Variants in CD4 observed in about 807,000 individuals in gnomAD.
The protein encoded by CD4 is T-cell surface glycoprotein CD4.
A neutral mutation model predicts 50.5 loss-of-function variants in CD4; 25 were observed. The ratio of observed to expected loss-of-function variants is 0.49; its 90% CI spans 0.36 to 0.69. The LOEUF (loss-of-function observed/expected upper bound fraction) is 0.69, where lower values mean the gene tolerates loss of function less well. Ranked by LOEUF, CD4 falls within the 30% of genes least tolerant of loss-of-function variation. CD4 has a pLI of 0.00. For synonymous variants in CD4, 207 were observed against 221.9 expected, an observed-to-expected ratio of 0.93 and a Z score of 0.60; for missense variants, 456 against 548.5, an observed-to-expected ratio of 0.83 and a Z score of 1.68.
intron 3 of CD4, among the ~76,000 whole-genome samples, chr12:6,805,987 TG>T (rs1942742585): frequency 1.3e-5 from 2 of 151,734 alleles, no homozygotes; most frequent in Admixed American, 1.3e-4. Flanking sequence ...AATTTTGCTC[TG>T]CAAAATCCCT....
chr12:6,796,359 G>A (rs1292216625), intron 1 of CD4, among the ~76,000 whole-genome samples: 2 of 152,212 alleles, frequency 1.3e-5, no homozygotes, highest in Non-Finnish European at 2.9e-5. Context: ...TGCCACTGGG[G>A]GAAAGAAGGA....
Position 6,818,533 on chromosome 12 carries a change from G to C in CD4, c.1269G>C (p.Arg423=). Residue 423 remains arginine, a synonymous_variant, in exon 8 of 10, where the codon CGG becomes CGC. Coordinates refer to ENST00000011653, the MANE Select transcript of CD4 (RefSeq NM_000616.5). The surrounding 1 kb of genome is among the most constrained non-coding windows in gnomAD (Gnocchi z 5.0). ...GLGIFFCVRC[R]HRRRQAERMS... ...GCATCTTCTTCTGTGTCAGGTGCCGGCACCGAAGGGTGAGTAACCCCACAC... is the reference window on the plus strand; with the variant it reads ...GCATCTTCTTCTGTGTCAGGTGCCGCCACCGAAGGGTGAGTAACCCCACAC... The C allele has an allele frequency of 1.9e-6, 3 of 1,612,724 alleles. No homozygotes were observed. Among genetic ancestry groups the C allele is most frequent in the Non-Finnish European group, 1.7e-6 (2 of 1,180,010 alleles).
In CD4 at chr12:6,800,057, T is replaced by G. The variant is rs1040235069; in HGVS notation, c.-67-15T>G. On this transcript the variant is annotated splice_polypyrimidine_tract_variant and intron_variant, in intron 1 of 9. Transcript: ENST00000011653. Reference sequence around the variant, plus strand: ...CAGTAAATGTTTGCTGACTAATGATTGGCATTTCCCTCAGGCCCTGCCATT... The same window carrying G: ...CAGTAAATGTTTGCTGACTAATGATGGGCATTTCCCTCAGGCCCTGCCATT... The G allele has an allele frequency of 9.8e-6, 12 of 1,230,344 alleles. No homozygotes were observed. The highest frequency in any genetic ancestry group is 1.2e-5 in the Non-Finnish European group (10 of 832,772). The allele number at this position is 1,230,344 out of a possible 1,614,324, so 76.2% of individuals were successfully genotyped here.
intron 3 of CD4, among the ~76,000 whole-genome samples, 156 bp downstream of exon 3, chr12:6,800,627 A>G (rs1942515358): frequency 6.6e-6 from 1 of 152,288 alleles, no homozygotes; most frequent in Non-Finnish European, 1.5e-5. Flanking sequence ...CTCTACACCA[A>G]CTGCTGGTGG....
chr12:6,800,563 G>A, intron 3 of CD4, 92 bp downstream of exon 3: 2 of 1,126,580 alleles, frequency 1.8e-6, no homozygotes, highest in Non-Finnish European at 2.5e-6. Context: ...TAAACTCTGG[G>A]ATCCCAGAGG....
At chr12:6,809,216 G>A (rs1942859337) in intron 3 of CD4, among the ~76,000 whole-genome samples, 1 of 152,072 alleles carries the variant, frequency 6.6e-6, no homozygotes, top group South Asian at 2.1e-4. Context: ...TTTTGGGCCG[G>A]GCATGATGTC....
At chr12:6,806,968 C>T (rs1240522664) in intron 3 of CD4, among the ~76,000 whole-genome samples, 3 of 152,122 alleles carry the variant, frequency 2.0e-5, no homozygotes, top group African/African-American at 7.2e-5. Flanking sequence ...GAGATCGAGA[C>T]CATCCTGGCT....
intron 3 of CD4, among the ~76,000 whole-genome samples, chr12:6,801,381 G>GC (rs1555115222): frequency 2.7e-5 from 4 of 149,688 alleles, no homozygotes; most frequent in African/African-American, 9.7e-5. Flanking sequence ...GCCAGGTGTG[G>GC]GGGTGCAGTC....
intron 3 of CD4, among the ~76,000 whole-genome samples, chr12:6,804,191 C>CAA (rs1942658202): frequency 6.7e-6 from 1 of 149,924 alleles, no homozygotes; most frequent in Non-Finnish European, 1.5e-5. Flanking sequence ...CACACACACA[C>CAA]AATGCAAAAG....
chr12:6,818,780 C>G lies in CD4; in HGVS notation c.1279-67C>G, dbSNP rs1335777833. ...CCTGTCGCAGCTTCCCCCACTCCCC[C>G]CACCAAGGGGCACCTCCCTTCTGGA... On this transcript the variant is annotated intron_variant, in intron 8 of 9. Coordinates refer to ENST00000011653, the MANE Select transcript of CD4 (RefSeq NM_000616.5). The surrounding 1 kb of genome is among the most constrained non-coding windows in gnomAD (Gnocchi z 5.0). 2.8e-6 allele frequency: 4 copies of G among 1,448,670 alleles called. No homozygotes were observed. The highest frequency in any genetic ancestry group is 3.9e-6 in the Non-Finnish European group (4 of 1,029,596). The allele number at this position is 1,448,670 out of a possible 1,614,324, so 89.7% of individuals were successfully genotyped here. A position where few individuals can be genotyped will look rare whatever the true frequency, so the allele number is the denominator to read the frequency against.
chr12:6,809,324 C>T lies in CD4; in HGVS notation c.215-4818C>T, dbSNP rs189920732. Among the ~76,000 whole-genome samples, 18 of 152,106 alleles carry T rather than the reference C, an allele frequency of 1.2e-4. 1 individual carries two copies. The highest frequency in any genetic ancestry group is 3.9e-4 in the African/African-American group (16 of 41,474). On this transcript the variant is annotated intron_variant, in intron 3 of 9. Transcript: ENST00000011653. Reference sequence around the variant, plus strand: ...CAGCCTGGGCAACAGGGCGAAACCTCGTCTCTACAAAAAATACAAAAGTTA... The same window carrying T: ...CAGCCTGGGCAACAGGGCGAAACCTTGTCTCTACAAAAAATACAAAAGTTA...
At position 6,819,302 on chromosome 12, in the gene CD4, G is replaced by C. The variant is rs782620229; in HGVS notation, c.1350G>C (p.Arg450=). The C allele has an allele frequency of 1.2e-6, 2 of 1,614,152 alleles. No homozygotes were observed. The highest frequency in any genetic ancestry group is 1.7e-6 in the Non-Finnish European group (2 of 1,179,996). Residue 450 remains arginine, a synonymous_variant, in exon 10 of 10, where the codon CGG becomes CGC. Coordinates refer to ENST00000011653, the MANE Select transcript of CD4 (RefSeq NM_000616.5). ...SEKKTCQCPH[R]FQKTCSPI ...CCCTTCTTCTTTGTTCCTGCAGCCGGTTTCAGAAGACATGTAGCCCCATTT... is the reference window on the plus strand; with the variant it reads ...CCCTTCTTCTTTGTTCCTGCAGCCGCTTTCAGAAGACATGTAGCCCCATTT...
chr12:6,806,599 C>CA (rs1350453378), intron 3 of CD4, among the ~76,000 whole-genome samples: 1 of 152,024 alleles, frequency 6.6e-6, no homozygotes, highest in African/African-American at 2.4e-5. Flanking sequence ...AACTCAAAAC[C>CA]AAAAAAATGA....
At chr12:6,817,984 ACG>A (rs1482963085) in intron 7 of CD4, among the ~76,000 whole-genome samples, 3 of 151,894 alleles carry the variant, frequency 2.0e-5, no homozygotes, top group South Asian at 2.1e-4. Flanking sequence ...ATGTGCACAC[ACG>A]CGCGCGCACA....
chr12:6,813,930 A>G (rs782143806), intron 3 of CD4: 1 of 466,848 alleles, frequency 2.1e-6, no homozygotes, highest in South Asian at 3.7e-5. Flanking sequence ...AAATAAGGAT[A>G]TGATTTTATT....
Position 6,818,785 on chromosome 12 carries a change from A to G in CD4, c.1279-62A>G, listed in dbSNP as rs1591568073. Reference sequence around the variant, plus strand: ...CGCAGCTTCCCCCACTCCCCCCACCAAGGGGCACCTCCCTTCTGGAGGCCT... The same window carrying G: ...CGCAGCTTCCCCCACTCCCCCCACCGAGGGGCACCTCCCTTCTGGAGGCCT... On this transcript the variant is annotated intron_variant, in intron 8 of 9. Coordinates refer to ENST00000011653, the MANE Select transcript of CD4 (RefSeq NM_000616.5). The surrounding 1 kb of genome is among the most constrained non-coding windows in gnomAD (Gnocchi z 5.0). 1 of 1,465,526 alleles carries G rather than the reference A, an allele frequency of 6.8e-7. No individual in the cohort carries two copies. The highest frequency in any genetic ancestry group is 2.3e-5 in the East Asian group (1 of 44,024). The allele number at this position is 1,465,526 out of a possible 1,614,324, so 90.8% of individuals were successfully genotyped here. A position where few individuals can be genotyped will look rare whatever the true frequency, so the allele number is the denominator to read the frequency against.
In CD4 at chr12:6,816,410, G is replaced by T. The variant is rs782659442; in HGVS notation, c.955+7G>T. The T allele has an allele frequency of 2.5e-6, 4 of 1,604,388 alleles. No individual in the cohort carries two copies. In the Admixed American group the frequency reaches 6.8e-5, roughly 27 times the overall value. On this transcript the variant is annotated splice_region_variant and intron_variant, in intron 6 of 9. Coordinates refer to ENST00000011653, the MANE Select transcript of CD4 (RefSeq NM_000616.5). The surrounding 1 kb of genome is among the most constrained non-coding windows in gnomAD (Gnocchi z 4.9). Reference sequence around the variant, plus strand: ...AACCTGGTGGTGATGAGAGGTGAGGGGCCAGGCCAGGGAGGGGTGGGCAGG... The same window carrying T: ...AACCTGGTGGTGATGAGAGGTGAGGTGCCAGGCCAGGGAGGGGTGGGCAGG...
chr12:6,815,011 C>A lies in CD4; in HGVS notation c.607+19C>A. 2 of 1,538,316 alleles carry A rather than the reference C, an allele frequency of 1.3e-6. No individual in the cohort carries two copies. The highest frequency in any genetic ancestry group is 1.8e-6 in the Non-Finnish European group (2 of 1,116,252). ...GTGCTAGGTAAGGGAAGCCCCTCTT[C>A]GCGCAGTCTCCTCCCTGCCCCAGGG... On this transcript the variant is annotated intron_variant, in intron 5 of 9. Coordinates refer to ENST00000011653, the MANE Select transcript of CD4 (RefSeq NM_000616.5).
chr12:6,800,298 T>A lies in CD4; in HGVS notation c.50-9T>A. On this transcript the variant is annotated splice_polypyrimidine_tract_variant and intron_variant, in intron 2 of 9. Coordinates refer to ENST00000011653, the MANE Select transcript of CD4 (RefSeq NM_000616.5). ...ACATTGAGACCTGACTCCTTTCTTT[T>A]CCACTTAGCGCTCCTCCCAGCAGCC... 2 of 1,613,858 alleles carry A rather than the reference T, an allele frequency of 1.2e-6. No individual in the cohort carries two copies. The highest frequency in any genetic ancestry group is 1.7e-6 in the Non-Finnish European group (2 of 1,179,942).
Sources: gnomAD v4.1 joint callset for allele counts (sites outside exome capture counted in the v4.1 genomes callset) on GRCh38, gnomAD v4.1.1 for gene constraint, Gnocchi (gnomAD v3.1) non-coding constraint, MANE v1.5 for transcripts, NCBI Gene and HGNC (gene_info 2026-07-23, HGNC 2026-07-21) for gene names.